The following REXO1 variants were observed in gnomAD, a reference collection of about 807,000 sequenced individuals.
REXO1 encodes the protein RNA exonuclease 1 homolog.
REXO1 carries 42 observed loss-of-function variants against 102.6 expected under a neutral mutation model. The ratio of observed to expected loss-of-function variants is 0.41; its 90% CI spans 0.32 to 0.53. The LOEUF is 0.53. Ranked by LOEUF, REXO1 falls within the 20% of genes least tolerant of loss-of-function variation. The pLI is 0.27. For missense variants in REXO1, 1,819 were observed against 1,732.5 expected, an observed-to-expected ratio of 1.05 and a Z score of -0.89; for synonymous variants, 908 against 779.1, an observed-to-expected ratio of 1.17 and a Z score of -2.76.
chr19:1,847,020 C>G (rs939164914), intron 1 of REXO1, among the ~76,000 whole-genome samples: 1 of 152,206 alleles, frequency 6.6e-6, no homozygotes, highest in Non-Finnish European at 1.5e-5. Flanking sequence ...CAGGACATCA[C>G]GACCTATGCT....
chr19:1,834,308 T>C (rs966175539), intron 1 of REXO1, among the ~76,000 whole-genome samples: 1 of 152,126 alleles, frequency 6.6e-6, no homozygotes, highest in African/African-American at 2.4e-5. Context: ...TTGGAAGGAA[T>C]AGCACCTGCC....
intron 9 of REXO1, 40 bp from the exon 10 acceptor site, chr19:1,818,635 G>A (rs1455926193): frequency 2.0e-5 from 32 of 1,607,618 alleles, no homozygotes; most frequent in Non-Finnish European, 2.5e-5. Context: ...GGCTCACGCT[G>A]GGGCCCGCAT....
At position 1,826,905 on chromosome 19, in the gene REXO1, C is replaced by T. The variant is rs1288312164; in HGVS notation, c.1884G>A (p.Thr628=). The T allele has an allele frequency of 1.1e-5, 17 of 1,583,160 alleles. No individual in the cohort carries two copies. Among genetic ancestry groups the T allele is most frequent in the East Asian group, 9.2e-5 (4 of 43,674 alleles). The stretch of plus-strand genomic sequence containing the variant: ...GCCGGGCCAGCCGGCCTCTGTCCTC[C>T]GTCTTGACGCTGGTGGACTCGTTGA... ...RIFNESTSVK[T]EDRGRLARQP... is the part of the protein sequence containing the mutation. Residue 628 remains threonine, a synonymous_variant, in exon 2 of 16, where the codon ACG becomes ACA. Coordinates refer to ENST00000170168, the MANE Select transcript of REXO1 (RefSeq NM_020695.4). This position sits in a 1 kb window ranked among gnomAD's most constrained non-coding sequence, Gnocchi z 4.3.
intron 4 of REXO1, chr19:1,822,841 T>G (rs1476345288): frequency 6.6e-6 from 1 of 152,096 alleles, no homozygotes; most frequent in South Asian, 2.1e-4. Flanking sequence ...AGGCAGGGGC[T>G]CCAAACCAGC....
At position 1,827,515 on chromosome 19, in the gene REXO1, C is replaced by G; in HGVS notation, c.1274G>C (p.Arg425Pro). ...GGTCCCTTCCGGCCGCTCTGCCTTG[C>G]GCCGGGGGCTGCTGGCCTGCGGGCC... ...KKGPQASSPRRKAERPEGTKK... is the reference protein window; with the variant it reads ...KKGPQASSPRPKAERPEGTKK... Residue 425 changes from arginine to proline, a missense_variant, in exon 2 of 16, where the codon CGC becomes CCC. By Grantham distance (103) the Arg-to-Pro change is moderately radical (BLOSUM62 -2). Coordinates refer to ENST00000170168, the MANE Select transcript of REXO1 (RefSeq NM_020695.4). The G allele has an allele frequency of 6.3e-7, 1 of 1,582,824 alleles. No homozygotes were observed. The highest frequency in any genetic ancestry group is 8.5e-7 in the Non-Finnish European group (1 of 1,173,668).
At chr19:1,830,766 A>G (rs911107557) in intron 1 of REXO1, 1 of 211,184 alleles carries the variant, frequency 4.7e-6, no homozygotes, top group Non-Finnish European at 1.0e-5. Flanking sequence ...CAACCATCCC[A>G]TGCAGCTTCA....
chr19:1,816,654 G>A (rs746966526), intron 13 of REXO1, 44 bp downstream of exon 13: 4 of 1,603,652 alleles, frequency 2.5e-6, no homozygotes, highest in Non-Finnish European at 3.4e-6. Context: ...CCTGGGGAGA[G>A]GCGGCTGGGA....
At chr19:1,841,029 G>A (rs369008957) in intron 1 of REXO1, among the ~76,000 whole-genome samples, 17 of 152,314 alleles carry the variant, frequency 1.1e-4, no homozygotes, top group East Asian at 5.8e-4. Flanking sequence ...CCTCGCAGCC[G>A]TTCCCAAAAA....
At chr19:1,831,252 C>G (rs192978974) in intron 1 of REXO1, among the ~76,000 whole-genome samples, 1 of 152,190 alleles carries the variant, frequency 6.6e-6, no homozygotes, top group Non-Finnish European at 1.5e-5. Context: ...GGAACCTGCC[C>G]GCACCAAGAC....
chr19:1,833,946 AGAG>A (rs1232580623), intron 1 of REXO1, among the ~76,000 whole-genome samples: 5 of 152,176 alleles, frequency 3.3e-5, no homozygotes, highest in African/African-American at 1.2e-4. Flanking sequence ...GGGGATGCAG[AGAG>A]GAGGAAGAGC....
At chr19:1,821,870 C>A (rs750055108) in intron 4 of REXO1, 188 bp from the exon 5 acceptor site, 1 of 608,454 alleles carries the variant, frequency 1.6e-6, no homozygotes, top group Non-Finnish European at 2.8e-6. Flanking sequence ...GCAAGTCCAT[C>A]GAGGCAGAGG....
intron 1 of REXO1, among the ~76,000 whole-genome samples, chr19:1,838,717 C>T (rs1345091239): frequency 1.3e-5 from 2 of 152,056 alleles, no homozygotes; most frequent in Middle Eastern, 3.2e-3. Flanking sequence ...GGACAAGAAC[C>T]GGCAGGGAGG....
In REXO1 at chr19:1,818,897, G is replaced by A. The variant is rs914325986; in HGVS notation, c.2765-54C>T. On this transcript the variant is annotated intron_variant, in intron 8 of 15. Transcript: ENST00000170168. ...GCCTGGGATGGCCCACGGGGCGGTAGACACCACCGGGAAAGGCGGCTGGGC... is the reference window on the plus strand; with the variant it reads ...GCCTGGGATGGCCCACGGGGCGGTAAACACCACCGGGAAAGGCGGCTGGGC... 2.5e-6 allele frequency: 4 copies of A among 1,594,636 alleles called. No homozygotes were observed. In the African/African-American group the frequency reaches 4.0e-5, roughly 16 times the overall value.
rs965219402 is a variant in REXO1 at position 1,816,122 on chromosome 19, C to A, written c.3610G>T (p.Ala1204Ser). 6.5e-7 allele frequency: 1 copy of A among 1,549,664 alleles called. No homozygotes were observed. The highest frequency in any genetic ancestry group is 1.4e-5 in the African/African-American group (1 of 73,180). ...TTCCAGATCACCAGGTGCATGCAGG[C>A]GCCGGCGTCCTCGCTGGAGCTGTGC... ...DGHSSSEDAG[A>S]CMHLVIWKVR... The change falls in exon 16 of 16, where the codon GCC (alanine) becomes TCC (serine). Residue 1204 changes from alanine to serine, a missense_variant. Transcript: ENST00000170168.
rs1489944422 is a variant in REXO1 at position 1,815,929 on chromosome 19, C to T, written c.*137G>A. Reference sequence around the variant, plus strand: ...TGGGCTGGGCTGGGCGTTCTCTGGCCGCCAGCTCATCCCGCTGCTCTGGGC... The same window carrying T: ...TGGGCTGGGCTGGGCGTTCTCTGGCTGCCAGCTCATCCCGCTGCTCTGGGC... On this transcript the variant is annotated 3_prime_UTR_variant, in exon 16 of 16. Coordinates refer to ENST00000170168, the MANE Select transcript of REXO1 (RefSeq NM_020695.4). This position sits in a 1 kb window ranked among gnomAD's most constrained non-coding sequence, Gnocchi z 4.0. The T allele has an allele frequency of 7.8e-6, 12 of 1,534,652 alleles. No individual in the cohort carries two copies. The highest frequency in any genetic ancestry group is 5.5e-5 in the African/African-American group (4 of 73,006).
At chr19:1,847,724 TA>T (rs1393273751) in intron 1 of REXO1, among the ~76,000 whole-genome samples, 1 of 152,198 alleles carries the variant, frequency 6.6e-6, no homozygotes, top group African/African-American at 2.4e-5. Context: ...CGGACCATCC[TA>T]ACTCAACGAC....
At chr19:1,821,197 C>G (rs942146560) in intron 5 of REXO1, among the ~76,000 whole-genome samples, 3 of 151,270 alleles carry the variant, frequency 2.0e-5, no homozygotes, top group Non-Finnish European at 4.4e-5. Context: ...AATACAAAAA[C>G]AGCCAGGCGT....
chr19:1,828,602 G>A lies in REXO1; in HGVS notation c.187C>T (p.Leu63=). ...TCCCTCTGCGCGGGGGGCTTGGGCA[G>A]CTCAGGGTTGTAGGGGTCGTAACCC... ...GLGYDPYNPE[L]PKPPAQRENG... Residue 63 remains leucine (L), a synonymous_variant, in exon 2 of 16, where the codon CTG becomes TTG. Transcript: ENST00000170168. 6.2e-7 allele frequency: 1 copy of A among 1,602,188 alleles called. No homozygotes were observed. The highest frequency in any genetic ancestry group is 8.5e-7 in the Non-Finnish European group (1 of 1,179,666).
chr19:1,816,099 C>A lies in REXO1; in HGVS notation c.3633G>T (p.Trp1211Cys). ...TGGTCTTGGCGTCTTCTCGAACCTT[C>A]CAGATCACCAGGTGCATGCAGGCGC... ...DAGACMHLVI[W>C]KVREDAKTKR Residue 1211 changes from tryptophan to cysteine, a missense_variant, in exon 16 of 16, where the codon TGG (tryptophan) becomes TGT (cysteine). Coordinates refer to ENST00000170168, the MANE Select transcript of REXO1 (RefSeq NM_020695.4). 6.5e-7 allele frequency: 1 copy of A among 1,548,918 alleles called. No homozygotes were observed. Among genetic ancestry groups the A allele is most frequent in the Non-Finnish European group, 8.7e-7 (1 of 1,146,844 alleles).
Sources: allele counts gnomAD v4.1 joint callset (sites outside exome capture counted in the v4.1 genomes callset), GRCh38; gene constraint gnomAD v4.1.1; non-coding constraint Gnocchi (gnomAD v3.1); transcripts MANE v1.5; gene names NCBI Gene and HGNC (gene_info 2026-07-23, HGNC 2026-07-21).